The following GALK2 variants were observed in gnomAD, a reference collection of about 807,000 sequenced individuals.
The protein encoded by GALK2 is N-acetylgalactosamine kinase.
GALK2 carries 36 observed loss-of-function variants against 52.4 expected under a neutral mutation model. The observed-to-expected ratio is 0.69, with a 90% CI of 0.53 to 0.91. GALK2 has a LOEUF of 0.91. Ranked by LOEUF, GALK2 falls within the 40% of genes least tolerant of loss-of-function variation. The pLI, the probability that GALK2 is intolerant of heterozygous loss-of-function variation, is 0.00. For missense variants in GALK2, 579 were observed against 559.1 expected, an observed-to-expected ratio of 1.04 and a Z score of -0.36; for synonymous variants, 176 against 199.1, an observed-to-expected ratio of 0.88 and a Z score of 0.98.
chr15:49,298,108 A>G (rs1388816173), intron 8 of GALK2, among the ~76,000 whole-genome samples: 1 of 151,992 alleles, frequency 6.6e-6, no homozygotes, highest in Non-Finnish European at 1.5e-5. Flanking sequence ...CATGTTTTGT[A>G]ATTCTTATTG....
chr15:49,278,956 G>A (rs2141742003), intron 5 of GALK2, among the ~76,000 whole-genome samples: 1 of 152,340 alleles, frequency 6.6e-6, no homozygotes, highest in Middle Eastern at 3.4e-3. Flanking sequence ...GGGCGGCAGG[G>A]CGGAGTGAGT....
chr15:49,192,488 T>TATATATGTATATATATATAC (rs2086817643), intron 1 of GALK2, among the ~76,000 whole-genome samples: 2 of 11,892 alleles, frequency 1.7e-4, no homozygotes, highest in Non-Finnish European at 4.1e-4. Flanking sequence ...TATATATGTA[T>TATATATGTATATATATATAC]ATATATATAT....
chr15:49,278,526 T>G (rs2032224812), intron 5 of GALK2, among the ~76,000 whole-genome samples: 2 of 152,232 alleles, frequency 1.3e-5, no homozygotes, highest in South Asian at 2.1e-4. Flanking sequence ...GTGTAGTACT[T>G]TAGAGCACTA....
At chr15:49,356,116 G>C (rs1456325722) in intron 3 of GALK2, among the ~76,000 whole-genome samples, 1 of 151,970 alleles carries the variant, frequency 6.6e-6, no homozygotes, top group Non-Finnish European at 1.5e-5. Flanking sequence ...GGAACAACCG[G>C]TACCAGCCGC....
chr15:49,355,261 A>G (rs2042945373), intron 3 of GALK2, among the ~76,000 whole-genome samples: 1 of 152,254 alleles, frequency 6.6e-6, no homozygotes, highest in Non-Finnish European at 1.5e-5. Context: ...AAGAGCTCAG[A>G]GAAGAAGGCT....
intron 2 of GALK2, among the ~76,000 whole-genome samples, chr15:49,202,381 A>G (rs1338197326): frequency 6.6e-6 from 1 of 152,114 alleles, no homozygotes; most frequent in Non-Finnish European, 1.5e-5. Context: ...AGCCTCTAGT[A>G]ACCATTAATT....
At position 49,329,519 on chromosome 15, in the gene GALK2, G is replaced by A. The variant is rs892641539; in HGVS notation, c.*1360G>A. On this transcript the variant is annotated 3_prime_UTR_variant, in exon 10 of 10. Transcript: ENST00000560031. ...GAATTTCAGTTTAAGGGAGGCCTGCGCAAAGCTAGTTTTATTTCTTAAAGG... is the reference window on the plus strand; with the variant it reads ...GAATTTCAGTTTAAGGGAGGCCTGCACAAAGCTAGTTTTATTTCTTAAAGG... The A allele has an allele frequency of 1.8e-5, 18 of 985,156 alleles. No individual in the cohort carries two copies. Among genetic ancestry groups the A allele is most frequent in the East Asian group, 1.1e-4 (1 of 8,826 alleles). The allele number at this position is 985,156 out of a possible 1,614,324, so 61.0% of individuals were successfully genotyped here.
intron 5 of GALK2, among the ~76,000 whole-genome samples, chr15:49,266,664 G>T (rs2092372641): frequency 6.6e-6 from 1 of 152,180 alleles, no homozygotes; most frequent in Non-Finnish European, 1.5e-5. Flanking sequence ...TCTGAAGAAG[G>T]AACTCTAGAA....
chr15:49,337,545 C>CT (rs1387194520), intron 3 of GALK2, among the ~76,000 whole-genome samples: 1 of 65,330 alleles, frequency 1.5e-5, no homozygotes, highest in African/African-American at 6.6e-5. Context: ...TAGTATTATA[C>CT]TTTAAGTTCT....
rs546272528 is a variant in GALK2 at position 49,353,588 on chromosome 15, A to C, written c.427-13903A>C. On this transcript the variant is annotated intron_variant, in intron 3 of 3. Coordinates refer to the GALK2 transcript ENST00000558399. ...GATAATTTTATGACATTGACACCCAATTTTTGAAGTTGAAGGAAAATAAGG... is the reference window on the plus strand; with the variant it reads ...GATAATTTTATGACATTGACACCCACTTTTTGAAGTTGAAGGAAAATAAGG... 34 of 150,012 alleles carry C rather than the reference A, an allele frequency of 2.3e-4. No homozygotes were observed. The South Asian group carries it at 7.2e-3, about 32-fold the overall frequency. The allele number at this position is 150,012 out of a possible 1,614,324, so 9.3% of individuals were successfully genotyped here.
At chr15:49,300,609 C>T (rs1388435281) in intron 8 of GALK2, among the ~76,000 whole-genome samples, 4 of 151,972 alleles carry the variant, frequency 2.6e-5, no homozygotes, top group Admixed American at 6.6e-5. Context: ...TGGGAGAGAT[C>T]CTGGGAGGTA....
rs2090755423 is a variant in GALK2, at chr15:49,235,516, G to T, written c.267-335G>T. On this transcript the variant is annotated intron_variant, in intron 3 of 9. Coordinates refer to ENST00000560031, the MANE Select transcript of GALK2 (RefSeq NM_002044.4). The stretch of plus-strand genomic sequence containing the variant: ...AGTTTGGGGGTGTGCCAAACAGCAG[G>T]CCCAGAGGATAAGCATTCATGTGGT... 3 of 440,506 alleles carry T rather than the reference G, an allele frequency of 6.8e-6. No individual in the cohort carries two copies. In the Admixed American group the frequency reaches 8.0e-5, roughly 12 times the overall value. 27.3% of individuals were successfully genotyped at this position (440,506 alleles called of 1,614,324 possible).
At chr15:49,299,747 CTT>C (rs1162287772) in intron 8 of GALK2, among the ~76,000 whole-genome samples, 1 of 121,578 alleles carries the variant, frequency 8.2e-6, no homozygotes, top group Non-Finnish European at 1.7e-5. Context: ...TTCTTTCTTT[CTT>C]TCTTTCTTTC....
chr15:49,299,330 A>G (rs565678555), intron 8 of GALK2, among the ~76,000 whole-genome samples: 29 of 152,180 alleles, frequency 1.9e-4, no homozygotes, highest in African/African-American at 6.7e-4. Flanking sequence ...ATTCATTCAA[A>G]GAACTAGTTT....
chr15:49,301,121 A>G (rs2035076926), intron 8 of GALK2, among the ~76,000 whole-genome samples: 1 of 152,000 alleles, frequency 6.6e-6, no homozygotes, highest in South Asian at 2.1e-4. Flanking sequence ...TCTTTTTTTT[A>G]AGGATGTTAA....
At chr15:49,156,730 G>T (rs2084468213) in intron 1 of GALK2, 3 of 542,548 alleles carry the variant, frequency 5.5e-6, no homozygotes. Flanking sequence ...GAACTGCTGA[G>T]AAAATAGCGC....
chr15:49,305,711 G>A (rs1053506899), intron 8 of GALK2, among the ~76,000 whole-genome samples: 5 of 152,186 alleles, frequency 3.3e-5, no homozygotes, highest in Admixed American at 2.6e-4. Flanking sequence ...AAGGGGGACA[G>A]AGAGGATGAA....
At chr15:49,175,871 A>T (rs1023198001) in intron 1 of GALK2, among the ~76,000 whole-genome samples, 3 of 152,138 alleles carry the variant, frequency 2.0e-5, no homozygotes, top group African/African-American at 7.2e-5. Flanking sequence ...TTACCAGTGT[A>T]TGCATCCCCC....
At chr15:49,310,273 T>TATTC (rs1468522691) in intron 8 of GALK2, among the ~76,000 whole-genome samples, 3 of 152,244 alleles carry the variant, frequency 2.0e-5, no homozygotes, top group African/African-American at 7.2e-5. Flanking sequence ...ACATTTTCTT[T>TATTC]ATTCATTCAT....
Sources: allele counts gnomAD v4.1 joint callset (sites outside exome capture counted in the v4.1 genomes callset), GRCh38; gene constraint gnomAD v4.1.1; transcripts MANE v1.5; gene names NCBI Gene and HGNC (gene_info 2026-07-23, HGNC 2026-07-21).